MON2: variants seen among roughly 807,000 people sequenced by gnomAD.
MON2 encodes the protein MON2 regulator of endosome-to-Golgi trafficking.
In MON2, 84 loss-of-function variants were observed where a neutral mutation model predicts 208.6. The observed-to-expected ratio is 0.40, with a 90% CI of 0.34 to 0.48. MON2 has a LOEUF of 0.48. Ranked by LOEUF, MON2 falls within the 20% of genes least tolerant of loss-of-function variation. The pLI is 0.59. For synonymous variants in MON2, 660 were observed against 694.0 expected (o/e 0.95, Z 0.77); for missense variants, 1,611 against 2,015.4 (o/e 0.80, Z 3.84).
At chr12:62,542,684 A>G (rs2073290389) in intron 19 of MON2, among the ~76,000 whole-genome samples, 1 of 152,108 alleles carries the variant, frequency 6.6e-6, no homozygotes, top group Non-Finnish European at 1.5e-5. Context: ...GATCTCTGCT[A>G]TAGTCTTGAT....
chr12:62,567,538 A>G (rs773606287), intron 29 of MON2, among the ~76,000 whole-genome samples: 2 of 152,132 alleles, frequency 1.3e-5, no homozygotes, highest in Non-Finnish European at 2.9e-5. Context: ...TCCTTCTCTA[A>G]TGATTTATCT....
intron 30 of MON2, among the ~76,000 whole-genome samples, chr12:62,576,813 A>G (rs920754966): frequency 3.3e-5 from 5 of 151,774 alleles, no homozygotes; most frequent in African/African-American, 1.2e-4. Flanking sequence ...TTCCCTCATC[A>G]TATGATATTT....
intron 1 of MON2, among the ~76,000 whole-genome samples, chr12:62,471,988 A>G (rs1592793813): frequency 6.6e-6 from 1 of 152,324 alleles, no homozygotes; most frequent in East Asian, 1.9e-4. Context: ...GCTTGTTAGT[A>G]GGAATAATTA....
At chr12:62,550,909 C>CTTTTTTTT (rs869160726) in intron 23 of MON2, among the ~76,000 whole-genome samples, 643 of 43,664 alleles carry the variant, frequency 0.015, no homozygotes, top group Non-Finnish European at 0.02. Flanking sequence ...TTCTTTCTTT[C>CTTTTTTTT]TTTTTTTTTT....
chr12:62,596,409 T>G lies in MON2; in HGVS notation c.*3660T>G, dbSNP rs1268182658. 1 of 152,200 alleles carries G rather than the reference T, an allele frequency of 6.6e-6. No individual in the cohort carries two copies. Among genetic ancestry groups the G allele is most frequent in the Non-Finnish European group, 1.5e-5 (1 of 68,038 alleles). 9.4% of individuals were successfully genotyped at this position (152,200 alleles called of 1,614,324 possible). A position where few individuals can be genotyped will look rare whatever the true frequency, so the allele number is the denominator to read the frequency against. Reference sequence around the variant, plus strand: ...CCTTGGAATGGGTTAGTGTACAGGCTCAGAATATTGTGGATTACAGTTTTT... The same window carrying G: ...CCTTGGAATGGGTTAGTGTACAGGCGCAGAATATTGTGGATTACAGTTTTT... On this transcript the variant is annotated 3_prime_UTR_variant, in exon 35 of 35. Coordinates refer to ENST00000393630, the MANE Select transcript of MON2 (RefSeq NM_015026.3).
chr12:62,508,513 A>C (rs765357229), intron 8 of MON2, 33 bp downstream of exon 8: 1 of 1,584,250 alleles, frequency 6.3e-7, no homozygotes, highest in South Asian at 1.1e-5. Flanking sequence ...ATTTGTGTAT[A>C]TAGTTGCATG....
rs1266664447 is a variant in MON2 at position 62,600,170 on chromosome 12, T to A, written c.*7421T>A. On this transcript the variant is annotated 3_prime_UTR_variant, in exon 35 of 35. Transcript: ENST00000393630. ...TTAACAGAATTCAAAATGTAGTGTG[T>A]TCTAAAGCGCTGTGCCTGGAGCATC... 2.6e-5 allele frequency: 4 copies of A among 152,204 alleles called. No homozygotes were observed. Among genetic ancestry groups the A allele is most frequent in the Non-Finnish European group, 5.9e-5 (4 of 68,036 alleles). The allele number at this position is 152,204 out of a possible 1,614,324, so 9.4% of individuals were successfully genotyped here.
chr12:62,565,184 A>T, intron 26 of MON2, 53 bp from the exon 27 acceptor site: 1 of 1,541,518 alleles, frequency 6.5e-7, no homozygotes, highest in South Asian at 1.1e-5. Flanking sequence ...CACAGTAAAG[A>T]ACTTAATGGA....
At chr12:62,526,718 T>A (rs2072348819) in intron 11 of MON2, among the ~76,000 whole-genome samples, 1 of 152,212 alleles carries the variant, frequency 6.6e-6, no homozygotes, top group Non-Finnish European at 1.5e-5. Context: ...TTCTTAAGTC[T>A]TAATGAGATA....
chr12:62,573,423 C>CTTCTT (rs1240182631), intron 30 of MON2, among the ~76,000 whole-genome samples: 1 of 135,262 alleles, frequency 7.4e-6, no homozygotes, highest in Non-Finnish European at 1.6e-5. Context: ...ATGAGTAAAA[C>CTTCTT]TTCTTTAAGT....
chr12:62,593,618 T>A lies in MON2; in HGVS notation c.*869T>A, dbSNP rs1178168770. The A allele has an allele frequency of 6.6e-6, 1 of 152,608 alleles. No homozygotes were observed. Among genetic ancestry groups the A allele is most frequent in the Non-Finnish European group, 1.5e-5 (1 of 67,998 alleles). The allele number at this position is 152,608 out of a possible 1,614,324, so 9.5% of individuals were successfully genotyped here. On this transcript the variant is annotated 3_prime_UTR_variant, in exon 35 of 35. Transcript: ENST00000393630. Reference sequence around the variant, plus strand: ...CATTTCTTTAAACAGCTCTCCAAGCTTTCACTGAAGTCTGTCTGTTTTTTA... The same window carrying A: ...CATTTCTTTAAACAGCTCTCCAAGCATTCACTGAAGTCTGTCTGTTTTTTA...
At chr12:62,472,228 A>T (rs1280115045) in intron 1 of MON2, among the ~76,000 whole-genome samples, 2 of 152,170 alleles carry the variant, frequency 1.3e-5, no homozygotes, top group Admixed American at 6.6e-5. Context: ...TTCATCAAAG[A>T]GCAGTGGGGT....
At chr12:62,509,381 C>T (rs1030578072) in intron 8 of MON2, among the ~76,000 whole-genome samples, 3 of 152,162 alleles carry the variant, frequency 2.0e-5, no homozygotes, top group Non-Finnish European at 1.5e-5. Flanking sequence ...TCCCAAAGTG[C>T]TGGGATTACA....
rs758761150 is a variant in MON2 at position 62,580,394 on chromosome 12, T to C, written c.4673T>C (p.Ile1558Thr). Residue 1558 changes from isoleucine to threonine, a missense_variant, in exon 32 of 35, where the codon ATA (isoleucine) becomes ACA (threonine). By Grantham distance (89) the Ile-to-Thr change is moderately conservative. Transcript: ENST00000393630. ...ATGACAATGCTTAACAAGGGCTCAA[T>C]ACATTCTCAGTCATCTTCATTTACA... is the stretch of plus-strand genomic sequence containing the variant. ...QIMTMLNKGS[I>T]HSQSSSFTEA... 1 of 1,605,194 alleles carries C rather than the reference T, an allele frequency of 6.2e-7. No homozygotes were observed.
intron 34 of MON2, among the ~76,000 whole-genome samples, chr12:62,589,153 C>A (rs2075313003): frequency 2.0e-5 from 3 of 152,288 alleles, no homozygotes; most frequent in Admixed American, 1.3e-4. Flanking sequence ...TGTTACTGGT[C>A]TGGGACAAGA....
At chr12:62,564,818 C>G (rs2074320506) in intron 26 of MON2, among the ~76,000 whole-genome samples, 1 of 152,042 alleles carries the variant, frequency 6.6e-6, no homozygotes, top group Non-Finnish European at 1.5e-5. Flanking sequence ...GTTGGTGGAC[C>G]AGGCATGGTG....
At chr12:62,489,013 TA>T (rs1004804210) in intron 2 of MON2, among the ~76,000 whole-genome samples, 8 of 151,890 alleles carry the variant, frequency 5.3e-5, no homozygotes, top group Non-Finnish European at 8.8e-5. Flanking sequence ...GAAAAAGAAA[TA>T]AAAAAAATTT....
chr12:62,477,438 T>A (rs753928595), intron 1 of MON2, among the ~76,000 whole-genome samples: 4 of 152,168 alleles, frequency 2.6e-5, no homozygotes, highest in African/African-American at 4.8e-5. Context: ...TTTATTTATT[T>A]ATGTTGAGAC....
rs2075481845 is a variant in MON2, at chr12:62,594,538, C to T, written c.*1789C>T. On this transcript the variant is annotated 3_prime_UTR_variant, in exon 35 of 35. Coordinates refer to ENST00000393630, the MANE Select transcript of MON2 (RefSeq NM_015026.3). ...TGTTAAATTGAGGATTAGAAAAATC[C>T]ACATAATCACTGATAAAGCATTGAA... The T allele has an allele frequency of 6.6e-6, 1 of 152,070 alleles. No individual in the cohort carries two copies. The highest frequency in any genetic ancestry group is 2.1e-4 in the South Asian group (1 of 4,822). The allele number at this position is 152,070 out of a possible 1,614,324, so 9.4% of individuals were successfully genotyped here.
Sources: allele counts gnomAD v4.1 joint callset (sites outside exome capture counted in the v4.1 genomes callset), GRCh38; gene constraint gnomAD v4.1.1; transcripts MANE v1.5; gene names NCBI Gene and HGNC (gene_info 2026-07-23, HGNC 2026-07-21).